FGF13: variants seen among roughly 807,000 people sequenced by gnomAD.
The protein encoded by FGF13 is fibroblast growth factor 13, also known as fibroblast growth factor homologous factor 2.
Under a neutral mutation model 19.5 loss-of-function variants are expected in FGF13, and 2 were observed. The ratio of observed to expected loss-of-function variants is 0.10; its 90% CI spans 0.04 to 0.32. The LOEUF (loss-of-function observed/expected upper bound fraction) is 0.32. FGF13 is among the 10% of genes least tolerant of loss of function. The pLI is 1.00. For missense variants in FGF13, 113 were observed against 192.7 expected, an observed-to-expected ratio of 0.59 and a Z score of 2.45; for synonymous variants, 72 against 76.9, an observed-to-expected ratio of 0.94 and a Z score of 0.33.
At chrX:139,067,089 T>C (rs1370170688) in intron 1 of FGF13, among the ~76,000 whole-genome samples, 1 of 111,775 alleles carries the variant, frequency 8.9e-6, no homozygotes, top group Non-Finnish European at 1.9e-5. Context: ...CACCTCTTCA[T>C]GCTAAAAACT....
chrX:138,711,479 A>T lies in FGF13; in HGVS notation c.-476T>A, dbSNP rs1259913173. The T allele has an allele frequency of 4.1e-6, 3 of 732,820 alleles. No individual in the cohort carries two copies. Among genetic ancestry groups the T allele is most frequent in the African/African-American group, 4.6e-5 (2 of 43,066 alleles). The allele number at this position is 732,820 out of a possible 1,213,427, so 60.4% of individuals were successfully genotyped here. Reference sequence around the variant, plus strand: ...AGAGGCCGGGAGCTCGGGCGGCCGGACGGAGGAGGGACGAGGCAGCGCGCG... The same window carrying T: ...AGAGGCCGGGAGCTCGGGCGGCCGGTCGGAGGAGGGACGAGGCAGCGCGCG... On this transcript the variant is annotated 5_prime_UTR_variant, in exon 1 of 5. Transcript: ENST00000315930.
intron 1 of FGF13, among the ~76,000 whole-genome samples, chrX:138,938,573 T>A (rs952849392): frequency 9.0e-6 from 1 of 111,114 alleles, no homozygotes; most frequent in African/African-American, 3.3e-5. Context: ...GAACTATGAC[T>A]TAACTGCTTA....
intron 1 of FGF13, among the ~76,000 whole-genome samples, chrX:139,020,045 T>C (rs2092171246): frequency 9.0e-6 from 1 of 110,927 alleles, no homozygotes; most frequent in Admixed American, 9.6e-5. Flanking sequence ...ATCTAGCTTG[T>C]GGTGTTGGTC....
In FGF13 at chrX:139,130,986, A is replaced by G. The variant is rs914660653; in HGVS notation, c.-113+72430T>C. On this transcript the variant is annotated intron_variant, in intron 1 of 2. Transcript: ENST00000421460. ...AATGCCACTTAAAGATAAATTTGTA[A>G]GTGGAATGATTTTTCTATTTATAAT... Among the ~76,000 whole-genome samples, 7 of 111,624 alleles carry G rather than the reference A, an allele frequency of 6.3e-5. No homozygotes were observed. In the Admixed American group the frequency reaches 6.7e-4, roughly 11 times the overall value.
intron 3 of FGF13, among the ~76,000 whole-genome samples, chrX:138,762,858 T>C (rs978348206): frequency 2.3e-4 from 26 of 112,124 alleles, no homozygotes; most frequent in African/African-American, 8.4e-4. Flanking sequence ...AGTCTTCCTG[T>C]GTTCACTACA....
At chrX:138,719,601 C>A in intron 1 of FGF13, among the ~76,000 whole-genome samples, 1 of 112,065 alleles carries the variant, frequency 8.9e-6, no homozygotes, top group Non-Finnish European at 1.9e-5. Context: ...ACAGGAAAAA[C>A]TGGCTTTCCA....
chrX:138,775,622 C>T (rs1455355581), intron 3 of FGF13, among the ~76,000 whole-genome samples: 2 of 111,742 alleles, frequency 1.8e-5, no homozygotes, highest in South Asian at 3.8e-4. Context: ...GACCAGGACT[C>T]GGGAGATACT....
At chrX:138,849,755 C>T (rs2091210019) in intron 3 of FGF13, among the ~76,000 whole-genome samples, 1 of 111,789 alleles carries the variant, frequency 8.9e-6, no homozygotes, top group Non-Finnish European at 1.9e-5. Context: ...GAGCATGTTG[C>T]CAACACAATC....
At chrX:139,030,816 T>C (rs770572384) in intron 1 of FGF13, among the ~76,000 whole-genome samples, 2 of 112,302 alleles carry the variant, frequency 1.8e-5, no homozygotes, top group Non-Finnish European at 3.8e-5. Context: ...AGTCTTCTTA[T>C]GATTTAGCCT....
chrX:139,194,712 C>G (rs2084358254), intron 1 of FGF13, among the ~76,000 whole-genome samples: 1 of 111,556 alleles, frequency 9.0e-6, no homozygotes, highest in African/African-American at 3.3e-5. Flanking sequence ...CCGGCCACCA[C>G]CAGCGCTGCT....
intron 1 of FGF13, among the ~76,000 whole-genome samples, chrX:138,737,177 T>C (rs766287515): frequency 3.1e-4 from 34 of 111,417 alleles, no homozygotes; most frequent in Non-Finnish European, 5.3e-4. Context: ...ATGGATGTTC[T>C]TGCCTTGAGA....
intron 1 of FGF13, among the ~76,000 whole-genome samples, chrX:139,007,337 C>A (rs764854823): frequency 9.0e-6 from 1 of 110,679 alleles, no homozygotes; most frequent in African/African-American, 3.3e-5. Context: ...ACTGGACCAC[C>A]CAGATATATA....
intron 1 of FGF13, among the ~76,000 whole-genome samples, chrX:138,895,583 T>C (rs2091500163): frequency 8.9e-6 from 1 of 111,980 alleles, no homozygotes; most frequent in Non-Finnish European, 1.9e-5. Flanking sequence ...ACAGCCATAA[T>C]GAAAAATAGT....
chrX:139,119,230 CTT>C (rs2083660469), intron 1 of FGF13, among the ~76,000 whole-genome samples: 1 of 111,326 alleles, frequency 9.0e-6, no homozygotes, highest in Non-Finnish European at 1.9e-5. Flanking sequence ...CTCCCAAGTC[CTT>C]ATTTACCCAA....
intron 1 of FGF13, among the ~76,000 whole-genome samples, chrX:139,025,790 C>G (rs1440635430): frequency 4.5e-5 from 5 of 110,828 alleles, no homozygotes; most frequent in Non-Finnish European, 9.4e-5. Flanking sequence ...CTACTCATCC[C>G]TCATTCTGCA....
At chrX:138,667,739 A>G (rs1431329559) in intron 3 of FGF13, 1 of 370,605 alleles carries the variant, frequency 2.7e-6, no homozygotes, top group East Asian at 7.9e-5. Context: ...CCTGCCCTGC[A>G]CTCCCTTCAG....
rs187989708 is a variant in FGF13 at position 138,731,072 on chromosome X, G to C, written c.28+8170C>G. On this transcript the variant is annotated intron_variant, in intron 1 of 4. Coordinates refer to the FGF13 transcript ENST00000305414. ...CTAACAAAGGCACTACATATTTGAA[G>C]CAAAAAATTGATAACACTAAAAGAA... 3.2e-3 allele frequency among the ~76,000 whole-genome samples: 361 copies of C among 111,192 alleles called. 1 individual carries two copies. Among genetic ancestry groups the C allele is most frequent in the African/African-American group, 0.011 (342 of 30,755 alleles).
At chrX:138,794,554 A>G in intron 3 of FGF13, among the ~76,000 whole-genome samples, 1 of 112,012 alleles carries the variant, frequency 8.9e-6, no homozygotes, top group East Asian at 2.8e-4. Context: ...CTGATCTCTC[A>G]TGTCCTTTTA....
At chrX:139,122,367 TAGAC>T (rs1569455339) in intron 1 of FGF13, among the ~76,000 whole-genome samples, 3 of 111,589 alleles carry the variant, frequency 2.7e-5, no homozygotes, top group African/African-American at 9.8e-5. Flanking sequence ...GTAAAGCTGT[TAGAC>T]AGAAATCATA....
Sources: gnomAD v4.1 joint callset for allele counts (sites outside exome capture counted in the v4.1 genomes callset) on GRCh38, gnomAD v4.1.1 for gene constraint, MANE v1.5 for transcripts, NCBI Gene and HGNC (gene_info 2026-07-23, HGNC 2026-07-21) for gene names.